Variants in SPATA6 observed in about 807,000 individuals in gnomAD.
SPATA6 encodes spermatogenesis associated 6, also known as spermatogenesis-associated protein 6.
SPATA6 carries 56 observed loss-of-function variants against 65.3 expected under a neutral mutation model. The observed-to-expected ratio is 0.86, with a 90% CI of 0.69 to 1.07. The LOEUF (loss-of-function observed/expected upper bound fraction) is 1.07, where lower values mean the gene tolerates loss of function less well. Among genes scored for constraint, SPATA6 ranks in the 50% least tolerant of loss-of-function variants. The pLI is 0.00. For synonymous variants in SPATA6, 199 were observed against 213.2 expected, an observed-to-expected ratio of 0.93 and a Z score of 0.58; for missense variants, 590 against 594.8, an observed-to-expected ratio of 0.99 and a Z score of 0.08.
chr1:48,293,248 C>T (rs1271699099), downstream of SPATA6, among the ~76,000 whole-genome samples: 2 of 152,222 alleles, frequency 1.3e-5, no homozygotes, highest in Non-Finnish European at 2.9e-5. Context: ...ACTCACCCTG[C>T]TCTCATTTTC....
At chr1:48,419,699 T>C (rs1469537648) in intron 3 of SPATA6, among the ~76,000 whole-genome samples, 1 of 152,202 alleles carries the variant, frequency 6.6e-6, no homozygotes, top group Admixed American at 6.5e-5. Context: ...ACATCACTAC[T>C]ATTATCTCAA....
At chr1:48,348,915 T>A (rs776709787) in intron 11 of SPATA6, among the ~76,000 whole-genome samples, 5 of 152,040 alleles carry the variant, frequency 3.3e-5, no homozygotes, top group Non-Finnish European at 5.9e-5. Flanking sequence ...ACTGTCTTTA[T>A]CTACAGTTTA....
intron 8 of SPATA6, 140 bp downstream of exon 8, chr1:48,395,127 T>A (rs956262181): frequency 4.1e-6 from 2 of 485,874 alleles, no homozygotes; most frequent in Non-Finnish European, 6.7e-6. Context: ...CTTTACAACA[T>A]ACAAGTTGTA....
At chr1:48,306,800 A>C (rs2148656566) in intron 11 of SPATA6, among the ~76,000 whole-genome samples, 1 of 152,058 alleles carries the variant, frequency 6.6e-6, no homozygotes, top group African/African-American at 2.4e-5. Flanking sequence ...GTGTGCAATA[A>C]ATGATAGAGC....
intron 3 of SPATA6, among the ~76,000 whole-genome samples, chr1:48,448,256 G>C (rs1398103077): frequency 1.6e-5 from 2 of 121,216 alleles, no homozygotes; most frequent in African/African-American, 7.0e-5. Flanking sequence ...GGAAGATCCT[G>C]TCTCAAAAAA....
intron 9 of SPATA6, among the ~76,000 whole-genome samples, chr1:48,371,310 G>C (rs1244271787): frequency 6.7e-6 from 1 of 149,644 alleles, no homozygotes; most frequent in African/African-American, 2.5e-5. Flanking sequence ...TAGATAGATA[G>C]ATAGATATTC....
intron 3 of SPATA6, chr1:48,436,923 C>T: frequency 6.2e-7 from 1 of 1,613,480 alleles, no homozygotes; most frequent in East Asian, 2.2e-5. Context: ...TGCTTGTCTC[C>T]AGTGGAACTC....
intron 12 of SPATA6, among the ~76,000 whole-genome samples, chr1:48,301,075 C>G (rs1224590264): frequency 6.6e-6 from 1 of 151,722 alleles, no homozygotes; most frequent in Non-Finnish European, 1.5e-5. Context: ...TAAAGGGGAT[C>G]CAAACTGAAA....
chr1:48,319,444 C>T (rs1032618586), intron 11 of SPATA6, among the ~76,000 whole-genome samples: 8 of 152,168 alleles, frequency 5.3e-5, no homozygotes, highest in Middle Eastern at 6.8e-3. Flanking sequence ...AGCTAGTGAG[C>T]GCCTCTGTCA....
At chr1:48,281,864 C>T in the SPATA6 span, among the ~76,000 whole-genome samples, 1 of 152,182 alleles carries the variant, frequency 6.6e-6, no homozygotes, top group Non-Finnish European at 1.5e-5. Flanking sequence ...AAAAAAGAGC[C>T]TGCATCACCA....
At chr1:48,383,265 A>C (rs1322480867) in intron 9 of SPATA6, among the ~76,000 whole-genome samples, 18 of 29,202 alleles carry the variant, frequency 6.2e-4, no homozygotes, top group South Asian at 1.6e-3. Flanking sequence ...CGGGCAGAGG[A>C]GCCCCTCACC....
At chr1:48,418,544 C>CAAAAAAAAAAAAAAAAAAAAAA (rs34415296) in intron 3 of SPATA6, among the ~76,000 whole-genome samples, 3 of 49,696 alleles carry the variant, frequency 6.0e-5, no homozygotes, top group Admixed American at 3.9e-4. Flanking sequence ...CCCATCCCTA[C>CAAAAAAAAAAAAAAAAAAAAAA]AAAAAAAAAA....
chr1:48,454,059 A>G (rs1048513098), intron 1 of SPATA6, among the ~76,000 whole-genome samples: 1 of 150,042 alleles, frequency 6.7e-6, no homozygotes, highest in African/African-American at 2.5e-5. Flanking sequence ...GCTGGAGTGC[A>G]CTTATATAGT....
intron 11 of SPATA6, among the ~76,000 whole-genome samples, chr1:48,309,937 C>T (rs1445613153): frequency 1.3e-5 from 2 of 152,152 alleles, no homozygotes; most frequent in African/African-American, 4.8e-5. Context: ...TATGCAGAGC[C>T]TTAAGGTAGG....
rs534708532 is a variant in SPATA6, at chr1:48,445,385, T to C, written c.238+6167A>G. On this transcript the variant is annotated intron_variant, in intron 3 of 12. Coordinates refer to ENST00000371847, the MANE Select transcript of SPATA6 (RefSeq NM_019073.4). Reference sequence around the variant, plus strand: ...AGTTCTTAAAAAGCTAACACATGGCTGGGCGTGGTGGCTCACGCCTGTAAT... The same window carrying C: ...AGTTCTTAAAAAGCTAACACATGGCCGGGCGTGGTGGCTCACGCCTGTAAT... Among the ~76,000 whole-genome samples the C allele has an allele frequency of 1.8e-4, 27 of 152,218 alleles. 1 individual carries two copies. Among genetic ancestry groups the C allele is most frequent in the East Asian group, 1.5e-3 (8 of 5,168 alleles).
chr1:48,302,277 T>C (rs556648967), intron 12 of SPATA6, among the ~76,000 whole-genome samples: 1 of 152,330 alleles, frequency 6.6e-6, no homozygotes, highest in East Asian at 1.9e-4. Flanking sequence ...TATTACATAA[T>C]GGCGAATCTG....
the SPATA6 span, among the ~76,000 whole-genome samples, chr1:48,277,129 G>C: frequency 6.8e-6 from 1 of 147,646 alleles, no homozygotes; most frequent in Non-Finnish European, 1.5e-5. Context: ...TTTTAGTAGA[G>C]ATGGGGTTTC....
chr1:48,440,537 C>G (rs916876913), intron 3 of SPATA6, among the ~76,000 whole-genome samples: 2 of 152,138 alleles, frequency 1.3e-5, no homozygotes, highest in African/African-American at 4.8e-5. Flanking sequence ...CCCACTGGGA[C>G]GTCGACTCCG....
chr1:48,359,242 T>C (rs571798512), intron 10 of SPATA6, among the ~76,000 whole-genome samples: 1 of 152,266 alleles, frequency 6.6e-6, no homozygotes, highest in East Asian at 1.9e-4. Flanking sequence ...ATAAAAAATA[T>C]AATCTGTGTT....
Sources: allele counts gnomAD v4.1 joint callset (sites outside exome capture counted in the v4.1 genomes callset), GRCh38; gene constraint gnomAD v4.1.1; transcripts MANE v1.5; gene names NCBI Gene and HGNC (gene_info 2026-07-23, HGNC 2026-07-21).